The following AGAP1 variants were observed in gnomAD, a reference collection of about 807,000 sequenced individuals.
AGAP1 encodes the protein arf-GAP with GTPase, ANK repeat and PH domain-containing protein 1.
In AGAP1, 29 loss-of-function variants were observed where a neutral mutation model predicts 105.3. That is an observed-to-expected ratio of 0.28 (90% confidence interval 0.21 to 0.38). AGAP1 has a LOEUF of 0.38. Ranked by LOEUF, AGAP1 falls within the 10% of genes least tolerant of loss-of-function variation. AGAP1 has a pLI of 1.00. For missense variants in AGAP1, 998 were observed against 1,165.1 expected (o/e 0.86, Z 2.09); for synonymous variants, 509 against 485.9 (o/e 1.05, Z -0.63).
At chr2:236,041,029 C>T (rs1356169949) in intron 15 of AGAP1, among the ~76,000 whole-genome samples, 188 bp downstream of exon 15, 1 of 152,162 alleles carries the variant, frequency 6.6e-6, no homozygotes, top group African/African-American at 2.4e-5. Context: ...AGCCTCACCC[C>T]TGGCTGCAGG....
chr2:236,008,294 A>G (rs542332383), intron 13 of AGAP1, among the ~76,000 whole-genome samples: 1 of 152,332 alleles, frequency 6.6e-6, no homozygotes, highest in East Asian at 1.9e-4. Flanking sequence ...CCCAGGAGCC[A>G]TGGAGCCTCA....
At chr2:235,998,386 G>A (rs753953484) in intron 13 of AGAP1, among the ~76,000 whole-genome samples, 1 of 152,182 alleles carries the variant, frequency 6.6e-6, no homozygotes, top group Non-Finnish European at 1.5e-5. Context: ...AGGAACAGGA[G>A]TGAGAAGATG....
At chr2:235,588,926 G>T (rs1160381439) in intron 1 of AGAP1, among the ~76,000 whole-genome samples, 2 of 152,066 alleles carry the variant, frequency 1.3e-5, no homozygotes, top group African/African-American at 4.8e-5. Context: ...TGAGAATTTT[G>T]CCTGGCCCCT....
intron 15 of AGAP1, among the ~76,000 whole-genome samples, chr2:236,048,802 C>T (rs3754656): frequency 0.079 from 12,046 of 152,262 alleles, 515 homozygotes; most frequent in East Asian, 0.2. Context: ...TCCAAACCAA[C>T]GCTGTCAATT....
chr2:235,967,332 A>G lies in AGAP1; in HGVS notation c.1484-1130A>G, dbSNP rs995933603. On this transcript the variant is annotated intron_variant, in intron 12 of 17. Transcript: ENST00000304032. The surrounding 1 kb of genome is among the most constrained non-coding windows in gnomAD (Gnocchi z 4.7). ...CCTATTTTAAATGACACCCCCCATC[A>G]CTGCCGCCTCTCCCCAGCCTCCCAG... is the stretch of plus-strand genomic sequence containing the variant. Among the ~76,000 whole-genome samples, 2 of 151,780 alleles carry G rather than the reference A, an allele frequency of 1.3e-5. No homozygotes were observed. The highest frequency in any genetic ancestry group is 2.4e-5 in the African/African-American group (1 of 41,292).
chr2:235,677,690 G>C (rs887921822), intron 1 of AGAP1, among the ~76,000 whole-genome samples: 6 of 151,758 alleles, frequency 4.0e-5, no homozygotes, highest in African/African-American at 1.5e-4. Flanking sequence ...TTTGCTCTCT[G>C]TGCCTGTCAT....
intron 11 of AGAP1, among the ~76,000 whole-genome samples, chr2:235,923,119 T>TAAAA (rs1300001282): frequency 6.6e-6 from 1 of 152,212 alleles, no homozygotes; most frequent in African/African-American, 2.4e-5. Context: ...ACACTCTTTC[T>TAAAA]GAGTTCAGAA....
chr2:236,117,373 G>A (rs2059795559), intron 16 of AGAP1, among the ~76,000 whole-genome samples: 1 of 152,200 alleles, frequency 6.6e-6, no homozygotes, highest in South Asian at 2.1e-4. Context: ...CAGCTTGTCA[G>A]TTCGGATGAG....
rs931651063 is a variant in AGAP1, at chr2:236,073,404, A to T, written c.2114+24123A>T. 1.3e-5 allele frequency among the ~76,000 whole-genome samples: 2 copies of T among 152,186 alleles called. No individual in the cohort carries two copies. Among genetic ancestry groups the T allele is most frequent in the African/African-American group, 4.8e-5 (2 of 41,456 alleles). On this transcript the variant is annotated intron_variant, in intron 16 of 17. Transcript: ENST00000304032. This position sits in a 1 kb window ranked among gnomAD's most constrained non-coding sequence, Gnocchi z 5.4. ...AGCATCTGATGGCCACATGTGGCCC[A>T]TGTTTGGCAATCATGGGTCTAGATA...
In AGAP1 at chr2:235,642,771, G is replaced by T. The variant is rs992800054; in HGVS notation, c.164-66408G>T. On this transcript the variant is annotated intron_variant, in intron 1 of 17. Coordinates refer to ENST00000304032, the MANE Select transcript of AGAP1 (RefSeq NM_001037131.3). The surrounding 1 kb of genome is among the most constrained non-coding windows in gnomAD (Gnocchi z 4.1). ...ACATAATTCTTGCTTTTAGAAGGAG[G>T]GGGGAAAATAGAGAAGTAGTTATCT... Among the ~76,000 whole-genome samples, 1 of 152,206 alleles carries T rather than the reference G, an allele frequency of 6.6e-6. No homozygotes were observed. The highest frequency in any genetic ancestry group is 1.5e-5 in the Non-Finnish European group (1 of 68,044).
chr2:235,999,092 G>A (rs569065223), intron 13 of AGAP1, among the ~76,000 whole-genome samples: 2 of 151,230 alleles, frequency 1.3e-5, no homozygotes, highest in East Asian at 3.9e-4. Flanking sequence ...TGGTGGTGAT[G>A]ATGGTGAGAG....
chr2:235,622,936 A>G lies in AGAP1; in HGVS notation c.164-86243A>G, dbSNP rs1286699901. Among the ~76,000 whole-genome samples the G allele has an allele frequency of 1.3e-5, 2 of 152,070 alleles. No homozygotes were observed. The highest frequency in any genetic ancestry group is 2.9e-5 in the Non-Finnish European group (2 of 68,016). On this transcript the variant is annotated intron_variant, in intron 1 of 17. Coordinates refer to ENST00000304032, the MANE Select transcript of AGAP1 (RefSeq NM_001037131.3). The surrounding 1 kb of genome is among the most constrained non-coding windows in gnomAD (Gnocchi z 5.0). ...TGGCATGAGAACCACGTCCCCAGCT[A>G]TTCCCACCTGCACACTGGAGGGAAG...
At position 235,959,193 on chromosome 2, in the gene AGAP1, G is replaced by A. The variant is rs1465983886; in HGVS notation, c.1484-9269G>A. On this transcript the variant is annotated intron_variant, in intron 12 of 17. Coordinates refer to ENST00000304032, the MANE Select transcript of AGAP1 (RefSeq NM_001037131.3). The surrounding 1 kb of genome is among the most constrained non-coding windows in gnomAD (Gnocchi z 7.3). ...ACAGTAGTCGTCTGTCCCGGTGCCC[G>A]GTAATTGATACAAAATAAAATGCAT... Among the ~76,000 whole-genome samples, 1 of 152,166 alleles carries A rather than the reference G, an allele frequency of 6.6e-6. No homozygotes were observed. Among genetic ancestry groups the A allele is most frequent in the Non-Finnish European group, 1.5e-5 (1 of 68,026 alleles).
chr2:235,853,012 A>G (rs1559564648), intron 9 of AGAP1: 3 of 1,246,962 alleles, frequency 2.4e-6, no homozygotes, highest in South Asian at 4.2e-5. Context: ...TCCTCCAGAA[A>G]GTTCGGCAAC....
chr2:236,094,101 C>T (rs946113378), intron 16 of AGAP1, among the ~76,000 whole-genome samples: 1 of 152,106 alleles, frequency 6.6e-6, no homozygotes, highest in Admixed American at 6.6e-5. Context: ...TATGGGCACT[C>T]AGCTGTATAA....
chr2:236,098,442 C>T (rs897263482), intron 16 of AGAP1, among the ~76,000 whole-genome samples: 15 of 150,364 alleles, frequency 1.0e-4, no homozygotes, highest in Admixed American at 8.0e-4. Context: ...TGGTGGTGCA[C>T]GCCTGTAATC....
rs1943810825 is a variant in AGAP1 at position 235,551,559 on chromosome 2, A to G, written c.163+56710A>G. The stretch of plus-strand genomic sequence containing the variant: ...AGGGATACACCTACCTCAGCCTCCC[A>G]AAGTGCTGGGATTATAGGCATCAAC... On this transcript the variant is annotated intron_variant, in intron 1 of 17. Coordinates refer to ENST00000304032, the MANE Select transcript of AGAP1 (RefSeq NM_001037131.3). The surrounding 1 kb of genome is among the most constrained non-coding windows in gnomAD (Gnocchi z 4.8). 6.6e-6 allele frequency among the ~76,000 whole-genome samples: 1 copy of G among 152,148 alleles called. No individual in the cohort carries two copies. The highest frequency in any genetic ancestry group is 2.4e-5 in the African/African-American group (1 of 41,436).
At chr2:235,558,839 T>C (rs1352242088) in intron 1 of AGAP1, among the ~76,000 whole-genome samples, 1 of 152,134 alleles carries the variant, frequency 6.6e-6, no homozygotes. Flanking sequence ...GGAGAGCACA[T>C]ACACATGTGA....
rs2056088377 is a variant in AGAP1, at chr2:236,000,828, C to T, written c.1645+32205C>T. ...AAGAAGGAGCCCCACTTGTGCTGTT[C>T]TGTAAGGAGGGTCTTCCAGGCACAG... On this transcript the variant is annotated intron_variant, in intron 13 of 17. Transcript: ENST00000304032. The surrounding 1 kb of genome is among the most constrained non-coding windows in gnomAD (Gnocchi z 4.3). Among the ~76,000 whole-genome samples the T allele has an allele frequency of 6.6e-6, 1 of 152,126 alleles. No homozygotes were observed. The highest frequency in any genetic ancestry group is 2.4e-5 in the African/African-American group (1 of 41,424).
Sources: allele counts gnomAD v4.1 joint callset (sites outside exome capture counted in the v4.1 genomes callset), GRCh38; gene constraint gnomAD v4.1.1; non-coding constraint Gnocchi (gnomAD v3.1); transcripts MANE v1.5; gene names NCBI Gene and HGNC (gene_info 2026-07-23, HGNC 2026-07-21).